Variants in ARHGAP35 observed in about 807,000 individuals in gnomAD.
ARHGAP35 encodes the protein Rho GTPase activating protein 35.
A neutral mutation model predicts 111.1 loss-of-function variants in ARHGAP35; 15 were observed. The observed-to-expected ratio is 0.13, with a 90% CI of 0.09 to 0.21. ARHGAP35 has a LOEUF of 0.21. Ranked by LOEUF, ARHGAP35 falls within the 10% of genes least tolerant of loss-of-function variation. The pLI, the probability that ARHGAP35 is intolerant of heterozygous loss-of-function variation, is 1.00. For synonymous variants in ARHGAP35, 643 were observed against 710.3 expected (o/e 0.91, Z 1.51); for missense variants, 1,262 against 1,873.0 (o/e 0.67, Z 6.02).
In ARHGAP35 at chr19:46,989,797, A is replaced by C; in HGVS notation, c.4036+122A>C. 1 of 1,492,328 alleles carries C rather than the reference A, an allele frequency of 6.7e-7. No individual in the cohort carries two copies. The highest frequency in any genetic ancestry group is 9.1e-7 in the Non-Finnish European group (1 of 1,099,140). The allele number at this position is 1,492,328 out of a possible 1,614,324, so 92.4% of individuals were successfully genotyped here. On this transcript the variant is annotated intron_variant, in intron 5 of 6. Coordinates refer to ENST00000672722, the MANE Select transcript of ARHGAP35 (RefSeq NM_004491.5). The surrounding 1 kb of genome is among the most constrained non-coding windows in gnomAD (Gnocchi z 5.3). The stretch of plus-strand genomic sequence containing the variant: ...AGCTGAGGTTTGAAGGACAGAGGGC[A>C]AGGGAATTAACCAGATGACAGCAAT...
intron 3 of ARHGAP35, among the ~76,000 whole-genome samples, chr19:46,958,956 C>T (rs2056459399): frequency 6.6e-6 from 1 of 152,136 alleles, no homozygotes; most frequent in South Asian, 2.1e-4. Context: ...TTCTCATTCT[C>T]CTGGTTGCTT....
At chr19:46,866,921 C>T (rs1336158230) in intron 1 of ARHGAP35, among the ~76,000 whole-genome samples, 2 of 152,162 alleles carry the variant, frequency 1.3e-5, no homozygotes, top group African/African-American at 4.8e-5. Flanking sequence ...CATTGTTGAC[C>T]TAGGCTCTCA....
At chr19:46,892,516 A>G (rs973441839) in intron 1 of ARHGAP35, among the ~76,000 whole-genome samples, 3 of 151,330 alleles carry the variant, frequency 2.0e-5, no homozygotes, top group African/African-American at 7.3e-5. Flanking sequence ...TTGGGTGGGT[A>G]TGGAGCCACA....
intron 1 of ARHGAP35, among the ~76,000 whole-genome samples, chr19:46,905,555 A>ACCCC (rs201154399): frequency 2.9e-5 from 3 of 103,898 alleles, no homozygotes; most frequent in African/African-American, 1.2e-4. Context: ...TTTGTATTCC[A>ACCCC]CCCCCCCCCC....
chr19:46,958,854 T>TTGA (rs1205663446), intron 3 of ARHGAP35, among the ~76,000 whole-genome samples: 3 of 152,184 alleles, frequency 2.0e-5, no homozygotes, highest in Non-Finnish European at 2.9e-5. Context: ...ACGCCCTCAT[T>TTGA]TGACCTTTAC....
At chr19:46,891,404 G>A (rs919846792) in intron 1 of ARHGAP35, among the ~76,000 whole-genome samples, 4 of 151,346 alleles carry the variant, frequency 2.6e-5, no homozygotes, top group Admixed American at 6.6e-5. Flanking sequence ...CTTTTCTTAG[G>A]CTTTTTGCTA....
chr19:46,979,363 A>G (rs1200068016), intron 3 of ARHGAP35, among the ~76,000 whole-genome samples: 1 of 152,112 alleles, frequency 6.6e-6, no homozygotes, highest in African/African-American at 2.4e-5. Context: ...CCCGTTTTGC[A>G]GAGCGCAGTC....
chr19:46,947,226 T>A (rs2056385042), intron 3 of ARHGAP35: 1 of 152,232 alleles, frequency 6.6e-6, no homozygotes, highest in South Asian at 2.1e-4. Flanking sequence ...GCACCTACTA[T>A]ATGCTAGGCA....
chr19:46,934,427 G>A (rs2056292425), intron 2 of ARHGAP35, among the ~76,000 whole-genome samples: 1 of 152,156 alleles, frequency 6.6e-6, no homozygotes, highest in Non-Finnish European at 1.5e-5. Context: ...GAGTGCAATG[G>A]CACAATCTCG....
intron 1 of ARHGAP35, among the ~76,000 whole-genome samples, chr19:46,879,784 CAAAA>C (rs35769391): frequency 1.0e-5 from 1 of 97,438 alleles, no homozygotes; most frequent in African/African-American, 3.8e-5. Flanking sequence ...ACTCTTGTCT[CAAAA>C]AAAAAAAAAA....
At position 46,918,856 on chromosome 19, in the gene ARHGAP35, A is replaced by G; in HGVS notation, c.181A>G (p.Ser61Gly). 1 of 1,613,954 alleles carries G rather than the reference A, an allele frequency of 6.2e-7. No homozygotes were observed. Among genetic ancestry groups the G allele is most frequent in the Non-Finnish European group, 8.5e-7 (1 of 1,179,868 alleles). ...HLDHTSVLST[S>G]DFGGRVVNND... ...GGACCATACCTCCGTCCTCAGCACC[A>G]GTGACTTTGGAGGGCGAGTGGTCAA... is the stretch of plus-strand genomic sequence containing the variant. The change falls in exon 2 of 7, where the codon AGT becomes GGT. Residue 61 changes from serine to glycine, a missense_variant. Ser to Gly is a moderately conservative substitution (Grantham distance 56). This residue lies in a region of ARHGAP35 where 125 missense variants were observed against 301.7 expected (regional missense o/e 0.41). Coordinates refer to ENST00000672722, the MANE Select transcript of ARHGAP35 (RefSeq NM_004491.5). This position sits in a 1 kb window ranked among gnomAD's most constrained non-coding sequence, Gnocchi z 5.4.
At chr19:46,972,299 C>T (rs944946090) in intron 3 of ARHGAP35, among the ~76,000 whole-genome samples, 1 of 152,136 alleles carries the variant, frequency 6.6e-6, no homozygotes, top group African/African-American at 2.4e-5. Context: ...CGTGAGCCAC[C>T]GCTCCCGGCC....
In ARHGAP35 at chr19:46,989,347, G is replaced by C; in HGVS notation, c.3905-197G>C. 1.7e-6 allele frequency: 1 copy of C among 600,582 alleles called. No individual in the cohort carries two copies. The highest frequency in any genetic ancestry group is 2.8e-6 in the Non-Finnish European group (1 of 353,910). The allele number at this position is 600,582 out of a possible 1,614,324, so 37.2% of individuals were successfully genotyped here. On this transcript the variant is annotated intron_variant, in intron 4 of 6. Transcript: ENST00000672722. This position sits in a 1 kb window ranked among gnomAD's most constrained non-coding sequence, Gnocchi z 5.3. ...AGGGGCAGTTCAGCAGTCTCGGAAA[G>C]AGGTGCTGGGGCCAGCCCATGCCTG...
chr19:46,892,255 G>A (rs1279123427), intron 1 of ARHGAP35, among the ~76,000 whole-genome samples: 1 of 146,796 alleles, frequency 6.8e-6, no homozygotes, highest in Non-Finnish European at 1.5e-5. Context: ...AGTGAGCCGA[G>A]ATCGCACCAC....
chr19:46,905,887 T>G (rs545777416), intron 1 of ARHGAP35, among the ~76,000 whole-genome samples: 19 of 152,156 alleles, frequency 1.2e-4, no homozygotes, highest in African/African-American at 3.1e-4. Context: ...GGTTTCACCA[T>G]CTTGGCCAGG....
Position 46,945,246 on chromosome 19 carries a change from T to A in ARHGAP35, c.3826+7838T>A, listed in dbSNP as rs77435063. On this transcript the variant is annotated intron_variant, in intron 3 of 6. Coordinates refer to ENST00000672722, the MANE Select transcript of ARHGAP35 (RefSeq NM_004491.5). The surrounding 1 kb of genome is among the most constrained non-coding windows in gnomAD (Gnocchi z 4.1). ...AACTTTCTATTTCTAGCTTGAATGCTTTTTTTCCTCCAGTTTTCATCTTTG... is the reference window on the plus strand; with the variant it reads ...AACTTTCTATTTCTAGCTTGAATGCATTTTTTCCTCCAGTTTTCATCTTTG... Among the ~76,000 whole-genome samples the A allele has an allele frequency of 6.6e-6, 1 of 152,156 alleles. No individual in the cohort carries two copies. Among genetic ancestry groups the A allele is most frequent in the Non-Finnish European group, 1.5e-5 (1 of 68,020 alleles).
chr19:46,913,276 A>T (rs2056147437), intron 1 of ARHGAP35, among the ~76,000 whole-genome samples: 1 of 150,730 alleles, frequency 6.6e-6, no homozygotes, highest in African/African-American at 2.4e-5. Flanking sequence ...AGTGATACAC[A>T]CGCTGTGTTG....
At chr19:46,955,146 G>A (rs1486804019) in intron 3 of ARHGAP35, among the ~76,000 whole-genome samples, 5 of 152,256 alleles carry the variant, frequency 3.3e-5, no homozygotes, top group Middle Eastern at 3.4e-3. Flanking sequence ...GAAGAAGAAG[G>A]CAAAAGACCC....
intron 1 of ARHGAP35, among the ~76,000 whole-genome samples, chr19:46,890,283 T>C (rs904612525): frequency 6.6e-6 from 1 of 152,192 alleles, no homozygotes; most frequent in African/African-American, 2.4e-5. Flanking sequence ...GAAGCTTGGG[T>C]ATTATGGCTC....
Sources: gnomAD v4.1 joint callset for allele counts (sites outside exome capture counted in the v4.1 genomes callset) on GRCh38, gnomAD v4.1.1 for gene constraint, gnomAD v4.1.1 regional missense constraint, Gnocchi (gnomAD v3.1) non-coding constraint, MANE v1.5 for transcripts, NCBI Gene and HGNC (gene_info 2026-07-23, HGNC 2026-07-21) for gene names.